The following NDUFAF2 variants were observed in gnomAD, a reference collection of about 807,000 sequenced individuals.
The protein encoded by NDUFAF2 is NADH dehydrogenase [ubiquinone] 1 alpha subcomplex assembly factor 2.
In NDUFAF2, 13 loss-of-function variants were observed where a neutral mutation model predicts 22.8. The ratio of observed to expected loss-of-function variants is 0.57; its 90% CI spans 0.37 to 0.91. The LOEUF is 0.91. Among genes scored for constraint, NDUFAF2 ranks in the 40% least tolerant of loss-of-function variants. The pLI is 0.01. For missense variants in NDUFAF2, 162 were observed against 195.2 expected (o/e 0.83, Z 1.01); for synonymous variants, 53 against 64.2 (o/e 0.83, Z 0.84).
At chr5:61,104,270 A>G (rs1752735176) in intron 3 of NDUFAF2, among the ~76,000 whole-genome samples, 1 of 152,144 alleles carries the variant, frequency 6.6e-6, no homozygotes, top group African/African-American at 2.4e-5. Context: ...AGCCACTTAT[A>G]GCAAATACTT....
intron 1 of NDUFAF2, among the ~76,000 whole-genome samples, chr5:61,032,240 A>G (rs1351732005): frequency 6.6e-6 from 1 of 151,952 alleles, no homozygotes; most frequent in Non-Finnish European, 1.5e-5. Flanking sequence ...ATTAGATCCC[A>G]TTTGTCAATT....
chr5:61,081,114 C>T (rs966116841), intron 2 of NDUFAF2, among the ~76,000 whole-genome samples: 1 of 152,128 alleles, frequency 6.6e-6, no homozygotes, highest in Non-Finnish European at 1.5e-5. Flanking sequence ...TGCCTTAGCA[C>T]CTTTGTCAGA....
At chr5:61,095,724 A>G (rs530282351) in intron 2 of NDUFAF2, among the ~76,000 whole-genome samples, 27 of 152,272 alleles carry the variant, frequency 1.8e-4, no homozygotes, top group African/African-American at 6.5e-4. Context: ...CAGGGTTGCA[A>G]AGATCCATGG....
At position 61,048,281 on chromosome 5, in the gene NDUFAF2, G is replaced by GA. The variant is rs1254451321; in HGVS notation, c.128-24838dup. Among the ~76,000 whole-genome samples the GA allele has an allele frequency of 7.9e-5, 12 of 152,044 alleles. 1 individual carries two copies. The highest frequency in any genetic ancestry group is 4.1e-4 in the South Asian group (2 of 4,830). On this transcript the variant is annotated intron_variant, in intron 1 of 3. Coordinates refer to ENST00000296597, the MANE Select transcript of NDUFAF2 (RefSeq NM_174889.5). Reference sequence around the variant, plus strand: ...TGCTTGTTTATCTATTTTAAATCAAGAAAAAACAGATAAATATTCATATTA... The same window carrying GA: ...TGCTTGTTTATCTATTTTAAATCAAGAAAAAAACAGATAAATATTCATATTA...
intron 1 of NDUFAF2, among the ~76,000 whole-genome samples, chr5:61,011,045 T>G (rs1301243507): frequency 6.6e-6 from 1 of 152,158 alleles, no homozygotes; most frequent in Non-Finnish European, 1.5e-5. Flanking sequence ...ATTATGGATC[T>G]GTCACCATTT....
intron 1 of NDUFAF2, among the ~76,000 whole-genome samples, chr5:60,948,551 C>CTT (rs55712639): frequency 3.4e-5 from 5 of 145,046 alleles, no homozygotes; most frequent in Admixed American, 2.7e-4. Flanking sequence ...ACATATTCTG[C>CTT]TTTTTTTTTT....
At chr5:60,997,989 C>G (rs1751249508) in intron 1 of NDUFAF2, among the ~76,000 whole-genome samples, 1 of 152,162 alleles carries the variant, frequency 6.6e-6, no homozygotes, top group Admixed American at 6.6e-5. Flanking sequence ...TGATACCAAC[C>G]TATGTCTTTT....
intron 3 of NDUFAF2, among the ~76,000 whole-genome samples, chr5:61,099,865 G>T (rs894919877): frequency 3.3e-5 from 5 of 151,898 alleles, no homozygotes; most frequent in African/African-American, 1.2e-4. Context: ...AACATAAATG[G>T]GCTCCGGTAC....
At chr5:61,030,117 G>C (rs1392393863) in intron 1 of NDUFAF2, among the ~76,000 whole-genome samples, 1 of 152,142 alleles carries the variant, frequency 6.6e-6, no homozygotes, top group East Asian at 1.9e-4. Context: ...CACAAGTGCA[G>C]ATTTACCAGT....
chr5:60,958,497 A>G (rs1162467806), intron 1 of NDUFAF2, among the ~76,000 whole-genome samples: 1 of 152,176 alleles, frequency 6.6e-6, no homozygotes, highest in Non-Finnish European at 1.5e-5. Context: ...ATTAGGTGCT[A>G]ACTCTGATTA....
intron 3 of NDUFAF2, among the ~76,000 whole-genome samples, chr5:61,124,604 A>G (rs1159491737): frequency 6.6e-6 from 1 of 152,074 alleles, no homozygotes; most frequent in Non-Finnish European, 1.5e-5. Context: ...AGCTATTACA[A>G]TTTATTTAAA....
chr5:61,099,039 C>A lies in NDUFAF2; in HGVS notation c.258+7C>A. On this transcript the variant is annotated splice_region_variant and intron_variant, in intron 3 of 3. Transcript: ENST00000296597. ...GACTCCACCTACTATGGAGGTAAGACTACACAAGGAGGATATCATTTAGGA... is the reference window on the plus strand; with the variant it reads ...GACTCCACCTACTATGGAGGTAAGAATACACAAGGAGGATATCATTTAGGA... The A allele has an allele frequency of 6.3e-7, 1 of 1,592,230 alleles. No homozygotes were observed. The highest frequency in any genetic ancestry group is 8.6e-7 in the Non-Finnish European group (1 of 1,163,222).
chr5:60,980,106 T>C (rs532177230), intron 1 of NDUFAF2, among the ~76,000 whole-genome samples: 2 of 152,272 alleles, frequency 1.3e-5, no homozygotes, highest in South Asian at 4.1e-4. Flanking sequence ...TACTTCCTAA[T>C]GCAGATATTA....
At chr5:61,074,886 G>A (rs892615011) in intron 2 of NDUFAF2, among the ~76,000 whole-genome samples, 81 of 152,206 alleles carry the variant, frequency 5.3e-4, no homozygotes, top group Non-Finnish European at 2.6e-4. Flanking sequence ...GGCAGAAGGC[G>A]AAGGGGAGGC....
chr5:61,149,966 G>A (rs1464641802), intron 3 of NDUFAF2, among the ~76,000 whole-genome samples: 1 of 152,072 alleles, frequency 6.6e-6, no homozygotes, highest in Non-Finnish European at 1.5e-5. Flanking sequence ...GTCTTGCTCT[G>A]TCACCTAGGT....
At chr5:60,945,869 G>A (rs186081695) in intron 1 of NDUFAF2, among the ~76,000 whole-genome samples, 2 of 152,316 alleles carry the variant, frequency 1.3e-5, no homozygotes, top group East Asian at 3.9e-4. Context: ...CGCCTCGGCT[G>A]TCTTCTTTCT....
chr5:60,955,316 G>A (rs1380890942), intron 1 of NDUFAF2, among the ~76,000 whole-genome samples: 1 of 152,098 alleles, frequency 6.6e-6, no homozygotes, highest in Non-Finnish European at 1.5e-5. Flanking sequence ...CCATTTATTT[G>A]AAGAGATTAT....
At chr5:61,109,227 G>A (rs1448572337) in intron 3 of NDUFAF2, among the ~76,000 whole-genome samples, 1 of 152,098 alleles carries the variant, frequency 6.6e-6, no homozygotes, top group Non-Finnish European at 1.5e-5. Flanking sequence ...TATTGTAAAT[G>A]GGATTACTTC....
At chr5:61,000,444 C>T (rs1172892730) in intron 1 of NDUFAF2, among the ~76,000 whole-genome samples, 1 of 152,012 alleles carries the variant, frequency 6.6e-6, no homozygotes, top group Non-Finnish European at 1.5e-5. Flanking sequence ...TTAAGAAATG[C>T]TTTATTTAGA....
Sources: gnomAD v4.1 joint callset for allele counts (sites outside exome capture counted in the v4.1 genomes callset) on GRCh38, gnomAD v4.1.1 for gene constraint, MANE v1.5 for transcripts, NCBI Gene and HGNC (gene_info 2026-07-23, HGNC 2026-07-21) for gene names.